The following KIAA1217 variants were observed in gnomAD, a reference collection of about 807,000 sequenced individuals.
The protein encoded by KIAA1217 is KIAA1217, also known as sickle tail protein homolog.
A neutral mutation model predicts 163.9 loss-of-function variants in KIAA1217; 88 were observed. The ratio of observed to expected loss-of-function variants is 0.54; its 90% CI spans 0.45 to 0.64. KIAA1217 has a LOEUF of 0.64. Ranked by LOEUF, KIAA1217 falls within the 30% of genes least tolerant of loss-of-function variation. The pLI is 0.00. For synonymous variants in KIAA1217, 903 were observed against 923.1 expected (o/e 0.98, Z 0.39); for missense variants, 2,372 against 2,475.0 (o/e 0.96, Z 0.88).
intron 2 of KIAA1217, among the ~76,000 whole-genome samples, chr10:24,220,612 G>T (rs1271945249): frequency 6.6e-6 from 1 of 151,590 alleles, no homozygotes. Context: ...TGGCCACCAT[G>T]CCCGGCTAAT....
intron 2 of KIAA1217, among the ~76,000 whole-genome samples, chr10:24,187,685 G>A (rs1163979066): frequency 6.6e-6 from 1 of 152,116 alleles, no homozygotes; most frequent in Non-Finnish European, 1.5e-5. Context: ...GAGGGCAGGA[G>A]TTCGAGACCA....
upstream of KIAA1217, among the ~76,000 whole-genome samples, chr10:24,205,548 C>T (rs1390092242): frequency 2.6e-5 from 4 of 151,534 alleles, no homozygotes; most frequent in African/African-American, 9.7e-5. Context: ...CCGAGGCAGG[C>T]AGATCACAAA....
At chr10:24,230,378 T>C (rs2071207697) in intron 2 of KIAA1217, among the ~76,000 whole-genome samples, 3 of 152,184 alleles carry the variant, frequency 2.0e-5, no homozygotes, top group Non-Finnish European at 2.9e-5. Context: ...AGTGTCATGT[T>C]GGTACGCAAA....
chr10:24,474,150 G>A, intron 6 of KIAA1217, 90 bp downstream of exon 6: 1 of 921,138 alleles, frequency 1.1e-6, no homozygotes, highest in African/African-American at 1.7e-5. Flanking sequence ...CAGAATAAAT[G>A]TCTGAGCACC....
At chr10:24,348,406 T>G (rs971400630) in intron 2 of KIAA1217, among the ~76,000 whole-genome samples, 1 of 152,176 alleles carries the variant, frequency 6.6e-6, no homozygotes, top group Non-Finnish European at 1.5e-5. Flanking sequence ...AAATAGATCT[T>G]ACTCTAGTTC....
At position 24,381,077 on chromosome 10, in the gene KIAA1217, A is replaced by G. The variant is rs770599855; in HGVS notation, c.553+10A>G. 3 of 1,526,250 alleles carry G rather than the reference A, an allele frequency of 2.0e-6. No individual in the cohort carries two copies. The highest frequency in any genetic ancestry group is 2.6e-6 in the Non-Finnish European group (3 of 1,133,918). The allele number at this position is 1,526,250 out of a possible 1,614,324, so 94.5% of individuals were successfully genotyped here. A position where few individuals can be genotyped will look rare whatever the true frequency, so the allele number is the denominator to read the frequency against. On this transcript the variant is annotated intron_variant, in intron 3 of 20. Coordinates refer to ENST00000376454, the MANE Select transcript of KIAA1217 (RefSeq NM_019590.5). ...AAAGAAAGATCTCTGGGTAAGCTTT[A>G]GAAGGCAGTTTCTGATGCCCCTTTC...
At chr10:24,393,513 G>T (rs1178092001) in intron 3 of KIAA1217, among the ~76,000 whole-genome samples, 1 of 152,160 alleles carries the variant, frequency 6.6e-6, no homozygotes, top group East Asian at 1.9e-4. Flanking sequence ...TTGTGATTCT[G>T]AGTCACTCTC....
At chr10:24,146,959 A>G (rs1038100135) in intron 2 of KIAA1217, among the ~76,000 whole-genome samples, 1 of 148,482 alleles carries the variant, frequency 6.7e-6, no homozygotes, top group African/African-American at 2.5e-5. Flanking sequence ...TTACTCGCAC[A>G]TTTCCGTGTT....
In KIAA1217 at chr10:24,484,241, A is replaced by ATT. The variant is rs59233394; in HGVS notation, c.1679+10203_1679+10204dup. On this transcript the variant is annotated intron_variant, in intron 6 of 20. Transcript: ENST00000376454. ...TAGATATACATATATATATATATAT[A>ATT]TTTTTTTTTTTTTTTTTTTTTTTGA... Among the ~76,000 whole-genome samples, 531 of 75,108 alleles carry ATT rather than the reference A, an allele frequency of 7.1e-3. 1 individual carries two copies. The highest frequency in any genetic ancestry group is 0.013 in the Middle Eastern group (1 of 80). 49.3% of individuals were successfully genotyped at this position (75,108 alleles called of 152,430 possible).
intron 14 of KIAA1217, among the ~76,000 whole-genome samples, chr10:24,530,752 G>C (rs1025312384): frequency 6.6e-6 from 1 of 152,218 alleles, no homozygotes; most frequent in South Asian, 2.1e-4. Context: ...TAAAAAATCC[G>C]CTGGGCATGG....
At chr10:23,968,640 C>A (rs2131386682) in intron 1 of KIAA1217, among the ~76,000 whole-genome samples, 1 of 152,244 alleles carries the variant, frequency 6.6e-6, no homozygotes, top group African/African-American at 2.4e-5. Context: ...ACCACCCAAC[C>A]CCTGGCCCTA....
intron 16 of KIAA1217, 51 bp downstream of exon 16, chr10:24,533,288 C>A: frequency 6.5e-7 from 1 of 1,545,294 alleles, no homozygotes; most frequent in Middle Eastern, 2.4e-4. Flanking sequence ...GCCTGGGTCT[C>A]TCCAGCCATG....
At chr10:23,715,353 T>A (rs1837499870) in intron 1 of KIAA1217, among the ~76,000 whole-genome samples, 1 of 152,140 alleles carries the variant, frequency 6.6e-6, no homozygotes, top group South Asian at 2.1e-4. Flanking sequence ...GTTAAGCCAA[T>A]GAAGGAAGTA....
chr10:23,791,499 AC>A (rs1835950530), intron 1 of KIAA1217, among the ~76,000 whole-genome samples: 1 of 152,216 alleles, frequency 6.6e-6, no homozygotes, highest in African/African-American at 2.4e-5. Context: ...AAACCACAGT[AC>A]CAATATCACA....
intron 3 of KIAA1217, among the ~76,000 whole-genome samples, chr10:24,387,749 A>C (rs796728101): frequency 6.6e-6 from 1 of 152,156 alleles, no homozygotes; most frequent in South Asian, 2.1e-4. Context: ...AAGCATTCCT[A>C]TACACCAATA....
At chr10:24,540,309 C>T (rs1324481831) in intron 17 of KIAA1217, among the ~76,000 whole-genome samples, 1 of 152,234 alleles carries the variant, frequency 6.6e-6, no homozygotes, top group Non-Finnish European at 1.5e-5. Flanking sequence ...TCTCAACTCA[C>T]TGCAACCTCC....
chr10:24,492,372 A>G (rs183360080), intron 6 of KIAA1217, among the ~76,000 whole-genome samples: 4 of 152,378 alleles, frequency 2.6e-5, no homozygotes, highest in Admixed American at 2.6e-4. Flanking sequence ...CTGAAATGCT[A>G]TATGGCTGAG....
chr10:24,339,011 C>G (rs1171894731), intron 2 of KIAA1217, among the ~76,000 whole-genome samples: 1 of 152,098 alleles, frequency 6.6e-6, no homozygotes, highest in Non-Finnish European at 1.5e-5. Context: ...GTTTTTGAAG[C>G]TTGATTTCCT....
chr10:23,938,993 A>C (rs1564549455), intron 1 of KIAA1217, among the ~76,000 whole-genome samples: 1 of 152,196 alleles, frequency 6.6e-6, no homozygotes, highest in Admixed American at 6.5e-5. Context: ...AGCTTTTATA[A>C]CTATATCCCA....
Sources: allele counts gnomAD v4.1 joint callset (sites outside exome capture counted in the v4.1 genomes callset), GRCh38; gene constraint gnomAD v4.1.1; transcripts MANE v1.5; gene names NCBI Gene and HGNC (gene_info 2026-07-23, HGNC 2026-07-21).